Variants in RAB7A observed in about 807,000 individuals in gnomAD.
The protein encoded by RAB7A is RAB7A, member RAS oncogene family, also known as ras-related protein Rab-7a.
A neutral mutation model predicts 24.5 loss-of-function variants in RAB7A; 2 were observed. That is an observed-to-expected ratio of 0.08 (90% confidence interval 0.03 to 0.26). The LOEUF is 0.26. RAB7A is among the 10% of genes least tolerant of loss of function. The pLI is 1.00. For synonymous variants in RAB7A, 100 were observed against 95.9 expected (o/e 1.04, Z -0.25); for missense variants, 118 against 255.7 (o/e 0.46, Z 3.67).
chr3:128,772,451 T>G (rs929802252), intron 1 of RAB7A, among the ~76,000 whole-genome samples: 4 of 152,244 alleles, frequency 2.6e-5, no homozygotes, highest in Admixed American at 2.0e-4. Context: ...AAATTCTTGC[T>G]TAAAAATGTT....
intron 1 of RAB7A, among the ~76,000 whole-genome samples, chr3:128,763,810 A>T (rs1421830844): frequency 1.3e-5 from 2 of 148,418 alleles, no homozygotes; most frequent in African/African-American, 5.0e-5. Flanking sequence ...ATTATTTTTT[A>T]TTTCAATCAT....
intron 1 of RAB7A, among the ~76,000 whole-genome samples, chr3:128,789,920 A>G (rs1933420282): frequency 6.6e-6 from 1 of 151,422 alleles, no homozygotes; most frequent in Non-Finnish European, 1.5e-5. Flanking sequence ...CCTCCCAAGT[A>G]GCTGAGATTA....
intron 1 of RAB7A, among the ~76,000 whole-genome samples, chr3:128,740,279 G>T (rs1308902333): frequency 6.6e-6 from 1 of 151,794 alleles, no homozygotes; most frequent in Admixed American, 6.6e-5. Context: ...TACTCTGGAG[G>T]CTGAGGCAGG....
chr3:128,753,891 G>C (rs1386113956), intron 1 of RAB7A, among the ~76,000 whole-genome samples: 1 of 151,850 alleles, frequency 6.6e-6, no homozygotes, highest in East Asian at 1.9e-4. Flanking sequence ...CTTCTGCTTG[G>C]GCCTCAAAAG....
chr3:128,765,732 C>G (rs2070824514), intron 1 of RAB7A, among the ~76,000 whole-genome samples: 2 of 149,672 alleles, frequency 1.3e-5, no homozygotes, highest in South Asian at 4.2e-4. Context: ...CTGACTTAAT[C>G]ACTCCCCCAA....
chr3:128,741,752 G>A (rs747642064), intron 1 of RAB7A, among the ~76,000 whole-genome samples: 7 of 151,922 alleles, frequency 4.6e-5, no homozygotes, highest in Admixed American at 6.6e-5. Flanking sequence ...TCTTATTTGC[G>A]TCTGTTTTGT....
At chr3:128,808,816 G>A (rs943176797) in intron 5 of RAB7A, among the ~76,000 whole-genome samples, 2 of 152,134 alleles carry the variant, frequency 1.3e-5, no homozygotes, top group South Asian at 2.1e-4. Flanking sequence ...CCAGGAAGCC[G>A]GCTGAATGAA....
chr3:128,790,856 C>T (rs777974134), intron 1 of RAB7A, among the ~76,000 whole-genome samples: 9 of 151,954 alleles, frequency 5.9e-5, no homozygotes, highest in Non-Finnish European at 5.9e-5. Flanking sequence ...TGAATAAAAA[C>T]GGGATTGTTT....
chr3:128,748,054 C>CA (rs1410000473), intron 1 of RAB7A, among the ~76,000 whole-genome samples: 1 of 152,232 alleles, frequency 6.6e-6, no homozygotes, highest in Non-Finnish European at 1.5e-5. Context: ...AGGCATGAGC[C>CA]ACTGTGCCCG....
intron 1 of RAB7A, among the ~76,000 whole-genome samples, chr3:128,774,149 G>A (rs1170331651): frequency 1.4e-5 from 2 of 143,974 alleles, no homozygotes; most frequent in African/African-American, 2.6e-5. Context: ...TATGGAAAGA[G>A]GTCTATCTAT....
intron 1 of RAB7A, among the ~76,000 whole-genome samples, chr3:128,729,976 G>T (rs1428310826): frequency 2.0e-5 from 3 of 152,050 alleles, no homozygotes; most frequent in African/African-American, 4.8e-5. Context: ...TTGGCTATTG[G>T]CTTGCTGTTG....
chr3:128,740,800 G>A (rs2070544655), intron 1 of RAB7A, among the ~76,000 whole-genome samples: 1 of 147,000 alleles, frequency 6.8e-6, no homozygotes, highest in South Asian at 2.2e-4. Flanking sequence ...CTACTTGGGA[G>A]ATTCAGGGGA....
intron 1 of RAB7A, among the ~76,000 whole-genome samples, chr3:128,774,029 A>G (rs564872240): frequency 2.0e-5 from 3 of 150,308 alleles, no homozygotes; most frequent in African/African-American, 7.3e-5. Context: ...CTATTGTCCT[A>G]TGACCCTGCC....
chr3:128,764,184 C>T (rs2070803640), intron 1 of RAB7A, among the ~76,000 whole-genome samples: 1 of 152,122 alleles, frequency 6.6e-6, no homozygotes, highest in South Asian at 2.1e-4. Context: ...TTCTGTCCTT[C>T]CCCGGCTCCT....
intron 1 of RAB7A, among the ~76,000 whole-genome samples, chr3:128,781,146 C>T (rs1419538924): frequency 6.6e-6 from 1 of 152,186 alleles, no homozygotes; most frequent in East Asian, 1.9e-4. Flanking sequence ...TCTGCATTGA[C>T]ATGGATACAG....
chr3:128,792,939 C>T (rs1933490217), intron 1 of RAB7A, among the ~76,000 whole-genome samples: 1 of 152,140 alleles, frequency 6.6e-6, no homozygotes, highest in Non-Finnish European at 1.5e-5. Context: ...CAACCTCCGC[C>T]TCCCGGGTTC....
intron 3 of RAB7A, among the ~76,000 whole-genome samples, chr3:128,801,554 TA>T (rs1179002679): frequency 5.7e-5 from 4 of 70,338 alleles, no homozygotes; most frequent in African/African-American, 1.6e-4. Flanking sequence ...TTAACATTGA[TA>T]GGGGGAGAAA....
At chr3:128,762,604 T>TGG (rs1559785918) in intron 1 of RAB7A, among the ~76,000 whole-genome samples, 1 of 152,180 alleles carries the variant, frequency 6.6e-6, no homozygotes, top group Non-Finnish European at 1.5e-5. Context: ...TGAGAGTTAC[T>TGG]GGTCAGACAA....
At chr3:128,744,808 G>A (rs115139167) in intron 1 of RAB7A, among the ~76,000 whole-genome samples, 1,542 of 151,934 alleles carry the variant, frequency 0.01, 24 homozygotes, top group African/African-American at 0.034. Context: ...AGAGCCACTT[G>A]TAATAATTTT....
Sources: allele counts gnomAD v4.1 joint callset (sites outside exome capture counted in the v4.1 genomes callset), GRCh38; gene constraint gnomAD v4.1.1; transcripts MANE v1.5; gene names NCBI Gene and HGNC (gene_info 2026-07-23, HGNC 2026-07-21).